ADAMTS2: variants seen among roughly 807,000 people sequenced by gnomAD.
The protein encoded by ADAMTS2 is A disintegrin and metalloproteinase with thrombospondin motifs 2.
In ADAMTS2, 50 loss-of-function variants were observed where a neutral mutation model predicts 123.0. The observed-to-expected ratio is 0.41, with a 90% CI of 0.32 to 0.51. The LOEUF (loss-of-function observed/expected upper bound fraction) is 0.51. Among genes scored for constraint, ADAMTS2 ranks in the 20% least tolerant of loss-of-function variants. ADAMTS2 has a pLI of 0.35. For synonymous variants in ADAMTS2, 678 were observed against 695.4 expected (o/e 0.98, Z 0.39); for missense variants, 1,494 against 1,705.2 (o/e 0.88, Z 2.18).
At position 179,155,641 on chromosome 5, in the gene ADAMTS2, C is replaced by T. The variant is rs1763455142; in HGVS notation, c.1133-722G>A. On this transcript the variant is annotated intron_variant, in intron 6 of 21. Coordinates refer to ENST00000251582, the MANE Select transcript of ADAMTS2 (RefSeq NM_014244.5). The surrounding 1 kb of genome is among the most constrained non-coding windows in gnomAD (Gnocchi z 5.1). Reference sequence around the variant, plus strand: ...AGTTCATGACGCAGAGACCCCACGTCAAACTGAGGAAGATGGATAATGAGA... The same window carrying T: ...AGTTCATGACGCAGAGACCCCACGTTAAACTGAGGAAGATGGATAATGAGA... Among the ~76,000 whole-genome samples the T allele has an allele frequency of 6.6e-6, 1 of 152,190 alleles. No individual in the cohort carries two copies. Among genetic ancestry groups the T allele is most frequent in the African/African-American group, 2.4e-5 (1 of 41,448 alleles).
At position 179,289,063 on chromosome 5, in the gene ADAMTS2, G is replaced by A. The variant is rs367567828; in HGVS notation, c.535-15999C>T. ...ACCTTGTGCATACCAGGCCTTCCCCGAGAGCAGGCTGCAGCCCCCCAGCTG... is the reference window on the plus strand; with the variant it reads ...ACCTTGTGCATACCAGGCCTTCCCCAAGAGCAGGCTGCAGCCCCCCAGCTG... On this transcript the variant is annotated intron_variant, in intron 2 of 21. Transcript: ENST00000251582. Among the ~76,000 whole-genome samples the A allele has an allele frequency of 4.6e-5, 7 of 152,146 alleles. No individual in the cohort carries two copies. In the East Asian group the frequency reaches 1.2e-3, roughly 25 times the overall value.
intron 10 of ADAMTS2, 83 bp from the exon 11 acceptor site, chr5:179,140,118 T>C: frequency 1.3e-6 from 2 of 1,597,050 alleles, no homozygotes; most frequent in Non-Finnish European, 1.7e-6. Context: ...CTGCAGTGTC[T>C]GGGACACGTC....
chr5:179,305,402 G>A (rs1298656560), intron 2 of ADAMTS2, among the ~76,000 whole-genome samples: 2 of 152,106 alleles, frequency 1.3e-5, no homozygotes, highest in Non-Finnish European at 2.9e-5. Context: ...GGAGGACAGA[G>A]GGACCTATAT....
Position 179,225,008 on chromosome 5 carries a change from G to A in ADAMTS2, c.689-17293C>T, listed in dbSNP as rs528882839. 1.8e-4 allele frequency among the ~76,000 whole-genome samples: 28 copies of A among 152,312 alleles called. No individual in the cohort carries two copies. The highest frequency in any genetic ancestry group is 2.4e-4 in the African/African-American group (10 of 41,558). On this transcript the variant is annotated intron_variant, in intron 3 of 21. Transcript: ENST00000251582. The surrounding 1 kb of genome is among the most constrained non-coding windows in gnomAD (Gnocchi z 4.5). ...CACAGTGGCTGAAGCTTCCCGGGCC[G>A]CAGTTCACGCCCCACTTGTTTCTCC...
At chr5:179,266,298 GT>G (rs1581231707) in intron 3 of ADAMTS2, among the ~76,000 whole-genome samples, 1 of 152,330 alleles carries the variant, frequency 6.6e-6, no homozygotes, top group East Asian at 1.9e-4. Context: ...TTGCAAATGT[GT>G]TTAAATCAGG....
chr5:179,284,381 T>G (rs1447430982), intron 2 of ADAMTS2, among the ~76,000 whole-genome samples: 2 of 151,780 alleles, frequency 1.3e-5, no homozygotes, highest in Non-Finnish European at 2.9e-5. Context: ...ATGGTCAGAT[T>G]ATTATTATTA....
chr5:179,218,848 G>A (rs543827701), intron 3 of ADAMTS2, among the ~76,000 whole-genome samples: 8 of 152,288 alleles, frequency 5.3e-5, no homozygotes, highest in East Asian at 1.9e-4. Context: ...AGGCCTCTCC[G>A]GGCCAGTCCT....
chr5:179,321,560 C>T (rs1377368257), intron 2 of ADAMTS2, among the ~76,000 whole-genome samples: 1 of 152,204 alleles, frequency 6.6e-6, no homozygotes, highest in Non-Finnish European at 1.5e-5. Flanking sequence ...CTGCCTCCTC[C>T]ACTTGTCTGC....
chr5:179,177,966 A>G (rs1763965437), intron 5 of ADAMTS2, among the ~76,000 whole-genome samples: 3 of 152,190 alleles, frequency 2.0e-5, no homozygotes, highest in Admixed American at 2.0e-4. Flanking sequence ...CTTCTTTTTA[A>G]ACAATGTAGG....
At chr5:179,223,941 G>A (rs866568911) in intron 3 of ADAMTS2, among the ~76,000 whole-genome samples, 5 of 152,220 alleles carry the variant, frequency 3.3e-5, no homozygotes, top group African/African-American at 9.6e-5. Context: ...TACCCACATG[G>A]GGCTTGGCAA....
At chr5:179,216,098 A>AAGCCCAACACAGATAGAGAAAACGGG (rs1764972999) in intron 3 of ADAMTS2, among the ~76,000 whole-genome samples, 1 of 152,226 alleles carries the variant, frequency 6.6e-6, no homozygotes. Context: ...TAGAAAACGG[A>AAGCCCAACACAGATAGAGAAAACGGG]AGCCCAACAC....
chr5:179,121,553 G>C (rs1350499456), intron 21 of ADAMTS2, 108 bp downstream of exon 21: 1 of 919,948 alleles, frequency 1.1e-6, no homozygotes, highest in Non-Finnish European at 1.6e-6. Context: ...CGCCCGCAGA[G>C]TCAGGGGAGC....
intron 2 of ADAMTS2, among the ~76,000 whole-genome samples, chr5:179,320,843 C>T (rs956548820): frequency 2.6e-5 from 4 of 152,158 alleles, no homozygotes; most frequent in Non-Finnish European, 5.9e-5. Context: ...AAAGCTGTTT[C>T]CCCCGGGTTG....
intron 3 of ADAMTS2, among the ~76,000 whole-genome samples, chr5:179,214,863 TC>T (rs1482830624): frequency 7.0e-6 from 1 of 142,738 alleles, no homozygotes; most frequent in African/African-American, 2.5e-5. Context: ...ATAATCTCCG[TC>T]GAATAATTGT....
chr5:179,124,861 C>G, intron 19 of ADAMTS2, 112 bp downstream of exon 19: 1 of 1,596,322 alleles, frequency 6.3e-7, no homozygotes, highest in Non-Finnish European at 8.5e-7. Context: ...TTGGCATGCA[C>G]GGAGCGGGTG....
chr5:179,243,316 T>C (rs1765709310), intron 3 of ADAMTS2, among the ~76,000 whole-genome samples: 1 of 152,244 alleles, frequency 6.6e-6, no homozygotes, highest in Non-Finnish European at 1.5e-5. Flanking sequence ...AGAGCAATCA[T>C]CCCTCAATTA....
intron 2 of ADAMTS2, among the ~76,000 whole-genome samples, chr5:179,309,838 T>G (rs936481895): frequency 6.6e-6 from 1 of 151,284 alleles, no homozygotes; most frequent in Admixed American, 6.6e-5. Flanking sequence ...CCTCAGTTTC[T>G]TCTATTTAAA....
At chr5:179,291,134 C>G (rs1044972338) in intron 2 of ADAMTS2, among the ~76,000 whole-genome samples, 1 of 152,212 alleles carries the variant, frequency 6.6e-6, no homozygotes, top group Non-Finnish European at 1.5e-5. Context: ...GAGCCACCAG[C>G]ATGATGCTGA....
At chr5:179,326,017 G>C (rs1453978023) in intron 2 of ADAMTS2, among the ~76,000 whole-genome samples, 3 of 152,206 alleles carry the variant, frequency 2.0e-5, no homozygotes, top group African/African-American at 4.8e-5. Flanking sequence ...GGATCAGAGC[G>C]CTCCCCCAAC....
Sources: gnomAD v4.1 joint callset for allele counts (sites outside exome capture counted in the v4.1 genomes callset) on GRCh38, gnomAD v4.1.1 for gene constraint, Gnocchi (gnomAD v3.1) non-coding constraint, MANE v1.5 for transcripts, NCBI Gene and HGNC (gene_info 2026-07-23, HGNC 2026-07-21) for gene names.